Variants in PDIA5 observed in about 807,000 individuals in gnomAD.
PDIA5 encodes protein disulfide isomerase family A member 5, also known as protein disulfide-isomerase A5.
PDIA5 carries 58 observed loss-of-function variants against 77.6 expected under a neutral mutation model. The observed-to-expected ratio is 0.75, with a 90% CI of 0.61 to 0.93. PDIA5 has a LOEUF of 0.93. Among genes scored for constraint, PDIA5 ranks in the 40% least tolerant of loss-of-function variants. The pLI is 0.00. For missense variants in PDIA5, 630 were observed against 647.7 expected (o/e 0.97, Z 0.30); for synonymous variants, 250 against 252.1 (o/e 0.99, Z 0.08).
At chr3:123,106,603 C>G (rs1461498502) in intron 5 of PDIA5, 146 bp from the exon 6 acceptor site, 8 of 651,548 alleles carry the variant, frequency 1.2e-5, no homozygotes, top group Non-Finnish European at 2.1e-5. Context: ...ATAACACACC[C>G]TCCAAGCTTA....
intron 1 of PDIA5, among the ~76,000 whole-genome samples, chr3:123,068,427 G>C (rs1180414637): frequency 6.6e-6 from 1 of 152,182 alleles, no homozygotes; most frequent in Non-Finnish European, 1.5e-5. Context: ...TCTCCCTCTT[G>C]GGGAGAACCA....
chr3:123,083,387 A>C (rs1934061829), intron 1 of PDIA5, among the ~76,000 whole-genome samples: 5 of 152,162 alleles, frequency 3.3e-5, no homozygotes, highest in Admixed American at 3.3e-4. Flanking sequence ...TCTGCCCTGC[A>C]CCAGGGAGAT....
chr3:123,101,999 T>C (rs1934612205), intron 3 of PDIA5, among the ~76,000 whole-genome samples: 1 of 133,190 alleles, frequency 7.5e-6, no homozygotes. Flanking sequence ...AACCTCTGCC[T>C]CCTGGGTTCA....
At position 123,130,412 on chromosome 3, in the gene PDIA5, C is replaced by G. The variant is rs145429245; in HGVS notation, c.774-68C>G. 411 of 1,526,748 alleles carry G rather than the reference C, an allele frequency of 2.7e-4. 1 individual carries two copies. In the African/African-American group the frequency reaches 5.0e-3, roughly 18 times the overall value. 94.6% of individuals were successfully genotyped at this position (1,526,748 alleles called of 1,614,324 possible). A position where few individuals can be genotyped will look rare whatever the true frequency, so the allele number is the denominator to read the frequency against. On this transcript the variant is annotated intron_variant, in intron 10 of 16. Coordinates refer to ENST00000316218, the MANE Select transcript of PDIA5 (RefSeq NM_006810.4). ...CCATGGGGAGCTTTGGGTCCAGGGG[C>G]CTGGAATTAGAAGGGCTGCCAAGGC...
chr3:123,067,440 G>T (rs1451660704), intron 1 of PDIA5: 7 of 399,458 alleles, frequency 1.8e-5, no homozygotes, highest in Non-Finnish European at 3.1e-5. Flanking sequence ...GCTGTGGGGC[G>T]CCGGGAGATC....
chr3:123,135,963 T>G (rs542784411), intron 11 of PDIA5, among the ~76,000 whole-genome samples: 1 of 152,084 alleles, frequency 6.6e-6, no homozygotes, highest in East Asian at 1.9e-4. Flanking sequence ...TTCTGTTTTT[T>G]TTCTTTTCTT....
chr3:123,069,544 C>T (rs1003670306), intron 1 of PDIA5, among the ~76,000 whole-genome samples: 10 of 152,084 alleles, frequency 6.6e-5, no homozygotes, highest in South Asian at 2.1e-4. Context: ...ACCAAAAGTC[C>T]GAAATCAGGG....
intron 10 of PDIA5, among the ~76,000 whole-genome samples, chr3:123,127,191 T>C (rs1034310098): frequency 6.6e-6 from 1 of 152,208 alleles, no homozygotes; most frequent in Non-Finnish European, 1.5e-5. Flanking sequence ...TCTGATTGTG[T>C]GACCCTCCCA....
At chr3:123,082,860 C>T (rs1336130122) in intron 1 of PDIA5, among the ~76,000 whole-genome samples, 1 of 152,104 alleles carries the variant, frequency 6.6e-6, no homozygotes, top group African/African-American at 2.4e-5. Flanking sequence ...AGTAACAGGC[C>T]TGAGGTCATC....
chr3:123,161,519 T>C (rs929197467), intron 16 of PDIA5, 64 bp downstream of exon 16: 9 of 1,551,786 alleles, frequency 5.8e-6, no homozygotes, highest in Non-Finnish European at 3.5e-6. Flanking sequence ...AAACTTCCAC[T>C]GAGGAGGGGC....
At chr3:123,123,441 G>GAGACA (rs1935165746) in intron 8 of PDIA5, among the ~76,000 whole-genome samples, 1 of 152,208 alleles carries the variant, frequency 6.6e-6, no homozygotes, top group Non-Finnish European at 1.5e-5. Context: ...AAACACTGGG[G>GAGACA]AGACACAGCA....
At chr3:123,090,195 T>A (rs960337189) in intron 2 of PDIA5, among the ~76,000 whole-genome samples, 50 of 152,294 alleles carry the variant, frequency 3.3e-4, no homozygotes, top group African/African-American at 1.2e-3. Flanking sequence ...TTGCGGCTGC[T>A]GCTTCCCCTT....
At chr3:123,161,838 A>G (rs566294694) in intron 16 of PDIA5, 42 bp from the exon 17 acceptor site, 64 of 1,296,120 alleles carry the variant, frequency 4.9e-5, no homozygotes, top group Non-Finnish European at 6.7e-5. Context: ...CAGCTCAGGG[A>G]TTAAAGCTCT....
intron 15 of PDIA5, among the ~76,000 whole-genome samples, chr3:123,158,194 C>T (rs752465952): frequency 6.6e-5 from 10 of 152,218 alleles, no homozygotes; most frequent in Non-Finnish European, 1.5e-4. Flanking sequence ...ATATTTACTG[C>T]GAGCTCTTCT....
At chr3:123,072,912 CTGTGTGTG>C (rs66567660) in intron 1 of PDIA5, among the ~76,000 whole-genome samples, 2 of 146,822 alleles carry the variant, frequency 1.4e-5, no homozygotes, top group African/African-American at 5.1e-5. Flanking sequence ...ACCTCTCCTT[CTGTGTGTG>C]TGTGTGTGTG....
intron 11 of PDIA5, among the ~76,000 whole-genome samples, chr3:123,131,202 T>C (rs1217228300): frequency 3.9e-5 from 6 of 151,962 alleles, no homozygotes; most frequent in Admixed American, 3.9e-4. Flanking sequence ...CCTGGGAGGT[T>C]GAGGCTGCAG....
In PDIA5 at chr3:123,130,483, G is replaced by T. The variant is rs141894453; in HGVS notation, c.777G>T (p.Pro259=). The T allele has an allele frequency of 3.7e-6, 6 of 1,612,888 alleles. No homozygotes were observed. The Admixed American group carries it at 5.0e-5, about 13-fold the overall frequency. The change falls in exon 11 of 17, where the codon CCG becomes CCT. Residue 259 remains proline, a synonymous_variant. Transcript: ENST00000316218. The part of the protein sequence containing the change: ...AEDIVEWLKN[P]QPPQPQVPET... ...CTGCCTGTTTTTGGTCTTCCAGTCCGCAGCCGCCACAGCCCCAGGTCCCTG... is the reference window on the plus strand; with the variant it reads ...CTGCCTGTTTTTGGTCTTCCAGTCCTCAGCCGCCACAGCCCCAGGTCCCTG...
At chr3:123,133,981 TC>T (rs1935431042) in intron 11 of PDIA5, among the ~76,000 whole-genome samples, 1 of 148,098 alleles carries the variant, frequency 6.8e-6, no homozygotes, top group Admixed American at 6.7e-5. Flanking sequence ...TCTTTTCTTT[TC>T]TTTTCCTTTT....
At chr3:123,072,172 C>T (rs1933740118) in intron 1 of PDIA5, among the ~76,000 whole-genome samples, 1 of 152,134 alleles carries the variant, frequency 6.6e-6, no homozygotes, top group Non-Finnish European at 1.5e-5. Context: ...TCCTTACTTT[C>T]CTCTCTGTTA....
Sources: gnomAD v4.1 joint callset for allele counts (sites outside exome capture counted in the v4.1 genomes callset) on GRCh38, gnomAD v4.1.1 for gene constraint, MANE v1.5 for transcripts, NCBI Gene and HGNC (gene_info 2026-07-23, HGNC 2026-07-21) for gene names.